The following COL27A1 variants were observed in gnomAD, a reference collection of about 807,000 sequenced individuals.
The protein encoded by COL27A1 is collagen alpha-1(XXVII) chain.
Under a neutral mutation model 251.3 loss-of-function variants are expected in COL27A1, and 106 were observed. The ratio of observed to expected loss-of-function variants is 0.42; its 90% CI spans 0.36 to 0.50. The LOEUF (loss-of-function observed/expected upper bound fraction) is 0.50. COL27A1 is among the 20% of genes least tolerant of loss of function. The pLI is 0.00. For synonymous variants in COL27A1, 1,000 were observed against 986.3 expected, an observed-to-expected ratio of 1.01 and a Z score of -0.26; for missense variants, 2,325 against 2,522.8, an observed-to-expected ratio of 0.92 and a Z score of 1.68.
In COL27A1 at chr9:114,301,716, C is replaced by G. The variant is rs145134644; in HGVS notation, c.4844C>G (p.Pro1615Arg). The change falls in exon 55 of 61, where the codon CCG becomes CGG. Residue 1615 changes from proline to arginine, a missense_variant and splice_region_variant. By Grantham distance (103) the Pro-to-Arg change is moderately radical. This residue lies in a region of COL27A1 where 327 missense variants were observed against 442.8 expected (regional missense o/e 0.74). Transcript: ENST00000356083. ...GGCCCCAGAGGGCGGCCCGGCCCCC[C>G]GGTAGGTAACTGAGTGCTGGGTGCA... ...PPGPRGRPGP[P>R]GPPGGPIQLQ... 4.3e-6 allele frequency: 7 copies of G among 1,612,108 alleles called. No individual in the cohort carries two copies. The Admixed American group carries it at 8.4e-5, about 19-fold the overall frequency.
At chr9:114,261,106 C>T (rs967279239) in intron 28 of COL27A1, among the ~76,000 whole-genome samples, 3 of 152,236 alleles carry the variant, frequency 2.0e-5, no homozygotes, top group Non-Finnish European at 4.4e-5. Context: ...TCAGTCACTG[C>T]CTGAGCACCT....
chr9:114,224,149 G>C (rs1831304203), intron 14 of COL27A1, among the ~76,000 whole-genome samples: 4 of 152,184 alleles, frequency 2.6e-5, no homozygotes, highest in Admixed American at 2.6e-4. Context: ...TGACCTAAAT[G>C]CTTTGGAAAA....
Position 114,209,319 on chromosome 9 carries a change from G to C in COL27A1, c.2269-356G>C, listed in dbSNP as rs1258770626. 6 of 502,348 alleles carry C rather than the reference G, an allele frequency of 1.2e-5. No individual in the cohort carries two copies. The Admixed American group carries it at 1.3e-4, about 11-fold the overall frequency. 31.1% of individuals were successfully genotyped at this position (502,348 alleles called of 1,614,324 possible). ...GCCACGGGCACCTACCAGCATCCCT[G>C]GGGGTGGGCAGGGCTTGGTGCCGTG... is the stretch of plus-strand genomic sequence containing the variant. On this transcript the variant is annotated intron_variant, in intron 10 of 60. Coordinates refer to ENST00000356083, the MANE Select transcript of COL27A1 (RefSeq NM_032888.4).
In COL27A1 at chr9:114,169,444, A is replaced by G. The variant is rs763316000; in HGVS notation, c.1889A>G (p.Lys630Arg). 13 of 1,545,178 alleles carry G rather than the reference A, an allele frequency of 8.4e-6. No homozygotes were observed. In the African/African-American group the frequency reaches 1.5e-4, roughly 18 times the overall value. ...FPLLMGPPGP[K>R]GDCGLPGPPG... ...CTGCTGATGGGGCCTCCGGGACCCA[A>G]GGGAGACTGTGGCTTGCCGGTAAGA... The change falls in exon 3 of 61, where the codon AAG becomes AGG. Residue 630 changes from lysine (K) to arginine (R), a missense_variant. Lys to Arg is a conservative substitution (Grantham distance 26). This residue lies in a region of COL27A1 where 1,183 missense variants were observed against 1,144.1 expected (regional missense o/e 1.03). Coordinates refer to ENST00000356083, the MANE Select transcript of COL27A1 (RefSeq NM_032888.4).
At chr9:114,258,242 A>G (rs889264653) in intron 27 of COL27A1, among the ~76,000 whole-genome samples, 1 of 152,180 alleles carries the variant, frequency 6.6e-6, no homozygotes, top group African/African-American at 2.4e-5. Context: ...GAGGAAAAGG[A>G]GAAGAAAATG....
At chr9:114,250,583 G>T in intron 24 of COL27A1, 32 bp from the exon 25 acceptor site, 1 of 1,606,396 alleles carries the variant, frequency 6.2e-7, no homozygotes, top group South Asian at 1.1e-5. Flanking sequence ...GATTCACGTT[G>T]TTTCTCTTGC....
In COL27A1 at chr9:114,184,064, G is replaced by A. The variant is rs560925710; in HGVS notation, c.2016+989G>A. On this transcript the variant is annotated intron_variant, in intron 5 of 60. Transcript: ENST00000356083. Reference sequence around the variant, plus strand: ...ATGGCTGGAGAGATAGGAGGGGAAGGAAGATGCTAAAGTCCCTGAAGCTAA... The same window carrying A: ...ATGGCTGGAGAGATAGGAGGGGAAGAAAGATGCTAAAGTCCCTGAAGCTAA... 1.1e-4 allele frequency among the ~76,000 whole-genome samples: 17 copies of A among 152,290 alleles called. No homozygotes were observed. In the South Asian group the frequency reaches 3.5e-3, roughly 32 times the overall value.
intron 4 of COL27A1, among the ~76,000 whole-genome samples, chr9:114,182,131 G>A (rs1395613032): frequency 2.0e-5 from 3 of 150,910 alleles, no homozygotes; most frequent in African/African-American, 2.4e-5. Flanking sequence ...TTCAGGCCAG[G>A]AATTCGAGAC....
chr9:114,304,899 G>T (rs917493907), intron 57 of COL27A1, among the ~76,000 whole-genome samples: 1 of 152,188 alleles, frequency 6.6e-6, no homozygotes, highest in African/African-American at 2.4e-5. Context: ...CCAGAAACAG[G>T]CCCTGAACCC....
intron 45 of COL27A1, among the ~76,000 whole-genome samples, chr9:114,289,610 G>C (rs1827764656): frequency 6.6e-6 from 1 of 152,138 alleles, no homozygotes; most frequent in South Asian, 2.1e-4. Context: ...CAATTGAGGG[G>C]GTCTGGAGGA....
chr9:114,292,206 A>G lies in COL27A1; in HGVS notation c.4580A>G (p.Gln1527Arg), dbSNP rs1431904478. ...CAGGGGGAGCCTGGGTCCAAAGGCC[A>G]GCCGGTGAGTGAGCGCCAAAGAATA... ...GNQGEPGSKG[Q>R]PGDSGEMGFP... Residue 1527 changes from glutamine to arginine, a missense_variant, in exon 49 of 61, where the codon CAG (glutamine) becomes CGG (arginine). Gln to Arg is a conservative substitution (Grantham distance 43). Coordinates refer to ENST00000356083, the MANE Select transcript of COL27A1 (RefSeq NM_032888.4). 4 of 1,553,330 alleles carry G rather than the reference A, an allele frequency of 2.6e-6. No homozygotes were observed. The highest frequency in any genetic ancestry group is 3.5e-6 in the Non-Finnish European group (4 of 1,148,168).
At position 114,311,327 on chromosome 9, in the gene COL27A1, T is replaced by C. The variant is rs1829430117; in HGVS notation, c.*632T>C. 7.5e-6 allele frequency: 1 copy of C among 134,196 alleles called. No homozygotes were observed. The highest frequency in any genetic ancestry group is 1.6e-5 in the Non-Finnish European group (1 of 63,554). The allele number at this position is 134,196 out of a possible 1,614,324, so 8.3% of individuals were successfully genotyped here. A position where few individuals can be genotyped will look rare whatever the true frequency, so the allele number is the denominator to read the frequency against. On this transcript the variant is annotated 3_prime_UTR_variant, in exon 61 of 61. Transcript: ENST00000356083. ...GTGCTCACAATTGTCTCTCACAGTG[T>C]ATGTGATTTTTTTAAGGAAAAAAAA... is the stretch of plus-strand genomic sequence containing the variant.
intron 48 of COL27A1, 27 bp from the exon 49 acceptor site, chr9:114,292,076 T>G (rs1564578659): frequency 6.5e-7 from 1 of 1,545,230 alleles, no homozygotes; most frequent in Admixed American, 2.0e-5. Flanking sequence ...CCACTTTGAC[T>G]GGTAATTTTT....
At chr9:114,241,295 T>A (rs1324629979) in intron 21 of COL27A1, among the ~76,000 whole-genome samples, 1 of 152,226 alleles carries the variant, frequency 6.6e-6, no homozygotes, top group Admixed American at 6.5e-5. Flanking sequence ...GAAGCCCAGA[T>A]TCACCGCGAC....
intron 37 of COL27A1, among the ~76,000 whole-genome samples, chr9:114,277,348 T>C (rs1835571715): frequency 6.6e-6 from 1 of 152,140 alleles, no homozygotes; most frequent in African/African-American, 2.4e-5. Context: ...ATGCCTCTGC[T>C]GCCATCCCAG....
At chr9:114,254,903 C>T (rs144370513) in intron 27 of COL27A1, among the ~76,000 whole-genome samples, 58 of 152,304 alleles carry the variant, frequency 3.8e-4, no homozygotes, top group African/African-American at 1.2e-3. Context: ...AGACTTTTAT[C>T]GAGCACCTAC....
rs1849099557 is a variant in COL27A1, at chr9:114,168,903, T to G, written c.1348T>G (p.Ser450Ala). The G allele has an allele frequency of 6.2e-7, 1 of 1,613,666 alleles. No individual in the cohort carries two copies. Among genetic ancestry groups the G allele is most frequent in the African/African-American group, 1.3e-5 (1 of 74,852 alleles). The change falls in exon 3 of 61, where the codon TCT (serine) becomes GCT (alanine). Residue 450 changes from serine (S) to alanine (A), a missense_variant. Around this residue, in one of 4 missense-constraint regions of COL27A1, gnomAD observed 1,183 missense variants for 1,144.1 expected, o/e 1.03. Transcript: ENST00000356083. ...GCCCCTACCTCCTACCACCAGCTCC[T>G]CTAAAAAACCCATTCCCACACTAGC... ...TRPLPPTTSSSKKPIPTLART... is the reference protein window; with the variant it reads ...TRPLPPTTSSAKKPIPTLART...
intron 5 of COL27A1, among the ~76,000 whole-genome samples, chr9:114,186,571 CCTT>C (rs1040067941): frequency 2.6e-5 from 4 of 152,268 alleles, no homozygotes; most frequent in African/African-American, 9.6e-5. Flanking sequence ...GTGAGGGACA[CCTT>C]CTCAGAGGGC....
Position 114,302,233 on chromosome 9 carries a change from C to A in COL27A1, c.4872+125C>A, listed in dbSNP as rs573149708. On this transcript the variant is annotated intron_variant, in intron 56 of 60. Coordinates refer to ENST00000356083, the MANE Select transcript of COL27A1 (RefSeq NM_032888.4). ...AAGCTGGGTCTAGGGACGCCCATGT[C>A]CTTTTGTCACTTCATACTGGAGACT... is the stretch of plus-strand genomic sequence containing the variant. 174 of 763,328 alleles carry A rather than the reference C, an allele frequency of 2.3e-4. No homozygotes were observed. The African/African-American group carries it at 2.4e-3, about 11-fold the overall frequency. The allele number at this position is 763,328 out of a possible 1,614,324, so 47.3% of individuals were successfully genotyped here.
Sources: gnomAD v4.1 joint callset for allele counts (sites outside exome capture counted in the v4.1 genomes callset) on GRCh38, gnomAD v4.1.1 for gene constraint, gnomAD v4.1.1 regional missense constraint, MANE v1.5 for transcripts, NCBI Gene and HGNC (gene_info 2026-07-23, HGNC 2026-07-21) for gene names.